Variants in ZNF117 observed in about 807,000 individuals in gnomAD.
ZNF117 encodes zinc finger protein 117.
ZNF117 carries 37 observed loss-of-function variants against 41.2 expected under a neutral mutation model. That is an observed-to-expected ratio of 0.90 (90% confidence interval 0.69 to 1.18). The LOEUF is 1.18. Ranked by LOEUF, ZNF117 falls within the 50% of genes most tolerant of loss-of-function variation. ZNF117 has a pLI of 0.00. For synonymous variants in ZNF117, 186 were observed against 186.6 expected (o/e 1.00, Z 0.02); for missense variants, 546 against 557.5 (o/e 0.98, Z 0.21).
At chr7:64,988,906 C>A (rs1786193207) in intron 1 of ZNF117, among the ~76,000 whole-genome samples, 1 of 152,006 alleles carries the variant, frequency 6.6e-6, no homozygotes, top group African/African-American at 2.4e-5. Context: ...AAGACCTCTA[C>A]AACAAGAATT....
At chr7:64,973,565 G>C (rs1322184882), downstream of ZNF117, 3 of 151,926 alleles carry the variant, frequency 2.0e-5, no homozygotes, top group Non-Finnish European at 4.4e-5. Context: ...TGATCAGAAA[G>C]TTATATTGAT....
upstream of ZNF117, among the ~76,000 whole-genome samples, chr7:64,985,987 C>T (rs1386656748): frequency 1.4e-5 from 2 of 145,862 alleles, no homozygotes; most frequent in East Asian, 2.0e-4. Context: ...AAGAAAATAT[C>T]CTCCCTTTTT....
chr7:64,976,210 G>T (rs1349975157), exon 3 of ZNF117: 2 of 152,264 alleles, frequency 1.3e-5, no homozygotes, highest in African/African-American at 4.8e-5. Context: ...GGGAGGCAGA[G>T]GCATGTGGAT....
At chr7:64,988,828 C>T (rs537084960) in intron 1 of ZNF117, among the ~76,000 whole-genome samples, 1 of 152,222 alleles carries the variant, frequency 6.6e-6, no homozygotes, top group Non-Finnish European at 1.5e-5. Context: ...AAATCAAAAA[C>T]ACAATCCCCT....
chr7:64,972,345 G>A (rs918235183), downstream of ZNF117: 2 of 151,944 alleles, frequency 1.3e-5, no homozygotes. Context: ...AAACATTTAT[G>A]CTTCTATGTT....
At chr7:64,972,908 T>C (rs1169147563), downstream of ZNF117, 1 of 152,082 alleles carries the variant, frequency 6.6e-6, no homozygotes, top group African/African-American at 2.4e-5. Flanking sequence ...TACACATTTA[T>C]TTATTACAGA....
exon 3 of ZNF117, chr7:64,979,517 G>A: frequency 2.7e-6 from 4 of 1,492,514 alleles, no homozygotes; most frequent in South Asian, 1.4e-5. Flanking sequence ...AAAGGTGTTG[G>A]GCAAAATAAT....
chr7:64,973,537 C>T (rs1039432026), downstream of ZNF117: 20 of 151,866 alleles, frequency 1.3e-4, no homozygotes, highest in African/African-American at 4.3e-4. Flanking sequence ...ACAATGTATG[C>T]CTTTTATCTT....
In ZNF117 at chr7:64,978,738, T is replaced by A. The variant is rs1023226378; in HGVS notation, c.833A>T (p.Lys278Ile). 9.3e-6 allele frequency: 15 copies of A among 1,613,014 alleles called. No homozygotes were observed. Among genetic ancestry groups the A allele is most frequent in the Admixed American group, 1.7e-5 (1 of 59,868 alleles). ...AAAGGCTTTACCACATTCTTCACAT[T>A]TGTACAGCTTCTCTCCAGTATGAAT... The change falls in exon 3 of 3, where the codon AAA (lysine) becomes ATA (isoleucine). Residue 278 changes from lysine to isoleucine, a missense_variant. By Grantham distance (102) the Lys-to-Ile change is moderately radical (BLOSUM62 -3). Transcript: ENST00000620222.
At chr7:64,986,244 A>G (rs964052199), upstream of ZNF117, among the ~76,000 whole-genome samples, 4 of 152,206 alleles carry the variant, frequency 2.6e-5, no homozygotes, top group African/African-American at 9.6e-5. Context: ...AAAGTTAAGA[A>G]TGCACAGCTA....
upstream of ZNF117, among the ~76,000 whole-genome samples, chr7:64,982,813 T>C (rs563480770): frequency 2.0e-5 from 3 of 152,156 alleles, no homozygotes; most frequent in Non-Finnish European, 4.4e-5. Flanking sequence ...TACTTAATAA[T>C]GAAGAGAAAA....
chr7:64,985,784 C>T (rs1206136956), upstream of ZNF117, among the ~76,000 whole-genome samples: 1 of 151,722 alleles, frequency 6.6e-6, no homozygotes, highest in Non-Finnish European at 1.5e-5. Flanking sequence ...CATGGTGAAA[C>T]CTCATCTCTA....
At chr7:64,981,313 A>G in intron 2 of ZNF117, 74 bp downstream of exon 3, 1 of 1,575,124 alleles carries the variant, frequency 6.3e-7, no homozygotes, top group Non-Finnish European at 8.7e-7. Context: ...TTACCAAATC[A>G]CATTTTAAGC....
At chr7:64,990,140 T>C (rs1041003632) in exon 1 of ZNF117, 3 of 152,104 alleles carry the variant, frequency 2.0e-5, no homozygotes, top group African/African-American at 7.2e-5. Flanking sequence ...CATGAACAGA[T>C]ACTTTTCAAA....
At chr7:64,985,464 C>G (rs1181779999), upstream of ZNF117, among the ~76,000 whole-genome samples, 1 of 152,148 alleles carries the variant, frequency 6.6e-6, no homozygotes, top group Non-Finnish European at 1.5e-5. Context: ...TTAATCTAAA[C>G]AAATCTGTGT....
At chr7:64,981,915 C>A in intron 1 of ZNF117, 69 bp downstream of exon 2, 1 of 448,584 alleles carries the variant, frequency 2.2e-6, no homozygotes, top group South Asian at 4.1e-5. Flanking sequence ...GCATAAATCA[C>A]CAAAAACATT....
At chr7:64,976,009 G>A (rs1381635143) in exon 3 of ZNF117, 1 of 152,126 alleles carries the variant, frequency 6.6e-6, no homozygotes, top group Non-Finnish European at 1.5e-5. Context: ...CCCTGATGTT[G>A]ATCAAAGTTT....
exon 3 of ZNF117, chr7:64,976,011 T>C (rs1003080050): frequency 3.9e-5 from 6 of 152,202 alleles, no homozygotes; most frequent in Non-Finnish European, 7.3e-5. Context: ...CTGATGTTGA[T>C]CAAAGTTTGA....
chr7:64,989,787 G>GAAT (rs1406863732), intron 1 of ZNF117, among the ~76,000 whole-genome samples, 160 bp downstream of exon 1: 2 of 151,000 alleles, frequency 1.3e-5, no homozygotes, highest in Non-Finnish European at 1.5e-5. Flanking sequence ...AGAAGAAGAA[G>GAAT]AATAAGCCAG....
Sources: allele counts gnomAD v4.1 joint callset (sites outside exome capture counted in the v4.1 genomes callset), GRCh38; gene constraint gnomAD v4.1.1; transcripts MANE v1.5; gene names NCBI Gene and HGNC (gene_info 2026-07-23, HGNC 2026-07-21).